The following ZC3H6 variants were observed in gnomAD, a reference collection of about 807,000 sequenced individuals.
ZC3H6 encodes the protein zinc finger CCCH-type containing 6, also known as zinc finger CCCH domain-containing protein 6.
Under a neutral mutation model 107.7 loss-of-function variants are expected in ZC3H6, and 40 were observed. The ratio of observed to expected loss-of-function variants is 0.37; its 90% CI spans 0.29 to 0.48. ZC3H6 has a LOEUF of 0.48. Among genes scored for constraint, ZC3H6 ranks in the 20% least tolerant of loss-of-function variants. ZC3H6 has a pLI of 0.98. For synonymous variants in ZC3H6, 493 were observed against 487.9 expected, an observed-to-expected ratio of 1.01 and a Z score of -0.14; for missense variants, 1,267 against 1,410.4, an observed-to-expected ratio of 0.90 and a Z score of 1.63.
intron 1 of ZC3H6, among the ~76,000 whole-genome samples, chr2:112,293,898 A>G (rs959089302): frequency 2.6e-5 from 4 of 152,212 alleles, no homozygotes; most frequent in Admixed American, 2.0e-4. Flanking sequence ...ACTAAACGGG[A>G]CCACATGATA....
rs1677163775 is a variant in ZC3H6, at chr2:112,337,999, G to C, written c.*5511G>C. ...GAGTCTTGCTCTGTTGCCCAGGCTG[G>C]AGTGTAGTGGCATGATCTTGGCTCA... is the stretch of plus-strand genomic sequence containing the variant. On this transcript the variant is annotated 3_prime_UTR_variant, in exon 12 of 12. Coordinates refer to ENST00000409871, the MANE Select transcript of ZC3H6 (RefSeq NM_198581.3). 6.6e-6 allele frequency: 1 copy of C among 151,706 alleles called. No individual in the cohort carries two copies. Among genetic ancestry groups the C allele is most frequent in the African/African-American group, 2.4e-5 (1 of 41,262 alleles). The allele number at this position is 151,706 out of a possible 1,614,324, so 9.4% of individuals were successfully genotyped here.
Position 112,330,207 on chromosome 2 carries a change from C to T in ZC3H6, c.2087-798C>T, listed in dbSNP as rs890928802. 7.2e-5 allele frequency among the ~76,000 whole-genome samples: 11 copies of T among 152,060 alleles called. 1 individual carries two copies. Among genetic ancestry groups the T allele is most frequent in the East Asian group, 1.9e-4 (1 of 5,152 alleles). The stretch of plus-strand genomic sequence containing the variant: ...AGCTGGGACTACATGTGCCCGCCAC[C>T]GTGCACGGCTAATTTTTTTGTATTT... On this transcript the variant is annotated intron_variant, in intron 11 of 11. Transcript: ENST00000409871.
chr2:112,284,526 T>C (rs1326330989), intron 1 of ZC3H6, among the ~76,000 whole-genome samples: 1 of 151,018 alleles, frequency 6.6e-6, no homozygotes, highest in Non-Finnish European at 1.5e-5. Context: ...ATTTTAAGAG[T>C]AGGACATTAT....
rs371430014 is a variant in ZC3H6 at position 112,303,257 on chromosome 2, C to T, written c.242C>T (p.Ser81Leu). 8.4e-5 allele frequency: 136 copies of T among 1,611,788 alleles called. 1 individual carries two copies. Among genetic ancestry groups the T allele is most frequent in the South Asian group, 6.4e-4 (58 of 90,838 alleles). The change falls in exon 3 of 12, where the codon TCG becomes TTG. Residue 81 changes from serine (S) to leucine (L), a missense_variant. Ser to Leu is a moderately radical substitution (Grantham distance 145). Transcript: ENST00000409871. ...AATTCCCCATCTAGTGATGATAGTT[C>T]GGACTACAGCCTTGATTCAGATGTT... ...KHNSPSSDDS[S>L]DYSLDSDVEH...
rs1485664419 is a variant in ZC3H6 at position 112,312,791 on chromosome 2, C to T, written c.747+854C>T. Among the ~76,000 whole-genome samples, 81 of 150,138 alleles carry T rather than the reference C, an allele frequency of 5.4e-4. 1 individual carries two copies. The highest frequency in any genetic ancestry group is 5.3e-3 in the Admixed American group (79 of 15,020). ...AGAAGAGTCGCTTGAACCCAGGAGG[C>T]GGAGGTTGCAGTGAGCCAAGATGGC... On this transcript the variant is annotated intron_variant, in intron 5 of 11. Coordinates refer to ENST00000409871, the MANE Select transcript of ZC3H6 (RefSeq NM_198581.3).
intron 1 of ZC3H6, among the ~76,000 whole-genome samples, chr2:112,293,168 A>T (rs1676154257): frequency 6.6e-6 from 1 of 152,214 alleles, no homozygotes; most frequent in Non-Finnish European, 1.5e-5. Flanking sequence ...CAAAAATTCC[A>T]AAGGTTGTCA....
At chr2:112,278,467 G>A (rs1421846258) in intron 1 of ZC3H6, among the ~76,000 whole-genome samples, 2 of 151,990 alleles carry the variant, frequency 1.3e-5, no homozygotes, top group African/African-American at 2.4e-5. Flanking sequence ...ACAGGCACCC[G>A]CCACCACACC....
At chr2:112,319,003 G>A (rs1460059132) in intron 7 of ZC3H6, among the ~76,000 whole-genome samples, 2 of 152,012 alleles carry the variant, frequency 1.3e-5, no homozygotes, top group African/African-American at 4.8e-5. Context: ...AAGGGAAAGG[G>A]GAACTTCTAG....
rs562262113 is a variant in ZC3H6, at chr2:112,339,820, G to A, written c.*7332G>A. On this transcript the variant is annotated 3_prime_UTR_variant, in exon 12 of 12. Coordinates refer to ENST00000409871, the MANE Select transcript of ZC3H6 (RefSeq NM_198581.3). Reference sequence around the variant, plus strand: ...GAAGGTTTTACTAGATATCAGTTTAGTAGATTAATGACGTTGTTAATCTGT... The same window carrying A: ...GAAGGTTTTACTAGATATCAGTTTAATAGATTAATGACGTTGTTAATCTGT... 9 of 151,816 alleles carry A rather than the reference G, an allele frequency of 5.9e-5. No homozygotes were observed. In the South Asian group the frequency reaches 1.9e-3, roughly 32 times the overall value. 9.4% of individuals were successfully genotyped at this position (151,816 alleles called of 1,614,324 possible). A position where few individuals can be genotyped will look rare whatever the true frequency, so the allele number is the denominator to read the frequency against.
intron 1 of ZC3H6, among the ~76,000 whole-genome samples, chr2:112,287,492 A>C (rs953649546): frequency 7.9e-5 from 12 of 152,220 alleles, no homozygotes; most frequent in African/African-American, 2.9e-4. Context: ...TATATTTAAA[A>C]ATTCTTAATT....
intron 11 of ZC3H6, among the ~76,000 whole-genome samples, chr2:112,326,682 G>A (rs796967675): frequency 1.3e-5 from 2 of 152,130 alleles, no homozygotes; most frequent in African/African-American, 2.4e-5. Context: ...ACACGATCTC[G>A]GCTCACTGCA....
chr2:112,322,411 A>G (rs1676821206), intron 8 of ZC3H6, among the ~76,000 whole-genome samples: 1 of 150,694 alleles, frequency 6.6e-6, no homozygotes, highest in Non-Finnish European at 1.5e-5. Context: ...ATGCCCAGCT[A>G]ATTTTTGCAT....
intron 11 of ZC3H6, among the ~76,000 whole-genome samples, chr2:112,328,568 C>T (rs1042552142): frequency 6.6e-6 from 1 of 152,162 alleles, no homozygotes; most frequent in Non-Finnish European, 1.5e-5. Flanking sequence ...ATTAATTCTT[C>T]ATTTACCTAA....
At chr2:112,325,291 C>G (rs1573964979) in intron 11 of ZC3H6, 94 bp downstream of exon 11, 2 of 1,163,430 alleles carry the variant, frequency 1.7e-6, no homozygotes, top group South Asian at 2.9e-5. Flanking sequence ...GTCAGGAGTT[C>G]GAGACCAACC....
chr2:112,313,793 A>G (rs1553494348), intron 5 of ZC3H6, among the ~76,000 whole-genome samples: 2 of 152,178 alleles, frequency 1.3e-5, no homozygotes, highest in African/African-American at 2.4e-5. Context: ...AGAGTGGCCA[A>G]GATAGATCCG....
intron 1 of ZC3H6, among the ~76,000 whole-genome samples, chr2:112,282,744 A>C (rs1016071009): frequency 2.0e-5 from 3 of 152,248 alleles, no homozygotes; most frequent in Non-Finnish European, 4.4e-5. Context: ...TGGAAAACCA[A>C]ATTTCAATAG....
Position 112,275,751 on chromosome 2 carries a change from CGGCAGCGCG to C in ZC3H6, c.-241_-233del, listed in dbSNP as rs1264500477. 6.9e-6 allele frequency: 3 copies of C among 432,624 alleles called. No individual in the cohort carries two copies. The highest frequency in any genetic ancestry group is 1.2e-5 in the Non-Finnish European group (3 of 244,026). 26.8% of individuals were successfully genotyped at this position (432,624 alleles called of 1,614,324 possible). On this transcript the variant is annotated 5_prime_UTR_variant, in exon 1 of 12. Coordinates refer to ENST00000409871, the MANE Select transcript of ZC3H6 (RefSeq NM_198581.3). ...CGAATAGAGACTAGAGCGGCAGCGC[CGGCAGCGCG>C]GGGCCGTTGCCCAGTGTTTGCAGTT...
chr2:112,297,035 T>C (rs1015778792), intron 1 of ZC3H6, among the ~76,000 whole-genome samples: 12 of 152,208 alleles, frequency 7.9e-5, no homozygotes, highest in African/African-American at 2.7e-4. Context: ...GCTGGTGACA[T>C]GAGCTGGGCA....
At chr2:112,315,914 A>AT (rs1214632644) in intron 5 of ZC3H6, among the ~76,000 whole-genome samples, 1 of 152,144 alleles carries the variant, frequency 6.6e-6, no homozygotes, top group Non-Finnish European at 1.5e-5. Flanking sequence ...AAAGTTGTTG[A>AT]TTTTTTAATG....
Sources: gnomAD v4.1 joint callset for allele counts (sites outside exome capture counted in the v4.1 genomes callset) on GRCh38, gnomAD v4.1.1 for gene constraint, MANE v1.5 for transcripts, NCBI Gene and HGNC (gene_info 2026-07-23, HGNC 2026-07-21) for gene names.